Variants in SOX6 observed in about 807,000 individuals in gnomAD.
The protein encoded by SOX6 is transcription factor SOX-6.
Under a neutral mutation model 97.8 loss-of-function variants are expected in SOX6, and 11 were observed. The observed-to-expected ratio is 0.11, with a 90% CI of 0.07 to 0.19. The LOEUF is 0.19. Ranked by LOEUF, SOX6 falls within the 10% of genes least tolerant of loss-of-function variation. The pLI is 1.00. For synonymous variants in SOX6, 360 were observed against 371.4 expected, an observed-to-expected ratio of 0.97 and a Z score of 0.35; for missense variants, 810 against 1,039.5, an observed-to-expected ratio of 0.78 and a Z score of 3.04.
At chr11:16,533,956 A>C (rs1861273203) in intron 4 of SOX6, among the ~76,000 whole-genome samples, 1 of 152,128 alleles carries the variant, frequency 6.6e-6, no homozygotes, top group East Asian at 1.9e-4. Context: ...TCTTGTGTGC[A>C]CCTTACATAC....
chr11:16,233,739 G>A (rs1852927608), intron 4 of SOX6, among the ~76,000 whole-genome samples: 1 of 152,060 alleles, frequency 6.6e-6, no homozygotes, highest in African/African-American at 2.4e-5. Context: ...GCCCGGTGCG[G>A]TGACTCACAC....
intron 1 of SOX6, among the ~76,000 whole-genome samples, chr11:16,366,684 A>T (rs1262672472): frequency 6.6e-6 from 1 of 152,270 alleles, no homozygotes; most frequent in East Asian, 1.9e-4. Flanking sequence ...TACTAGGAAA[A>T]CTTACTACTC....
chr11:16,399,734 C>G lies in SOX6; in HGVS notation c.-4-58482G>C, dbSNP rs184943989. Among the ~76,000 whole-genome samples, 699 of 151,498 alleles carry G rather than the reference C, an allele frequency of 4.6e-3. 5 individuals are homozygous for G. Among genetic ancestry groups the G allele is most frequent in the African/African-American group, 0.016 (676 of 41,426 alleles). ...ATGAGGAAAGGGATAAGGAGTGATA[C>G]TGGTGACATTTCTCATCCAAAACCA... On this transcript the variant is annotated intron_variant, in intron 1 of 15. Coordinates refer to the SOX6 transcript ENST00000396356.
chr11:16,019,036 T>C (rs1854971350), intron 12 of SOX6, among the ~76,000 whole-genome samples: 1 of 152,128 alleles, frequency 6.6e-6, no homozygotes, highest in Non-Finnish European at 1.5e-5. Context: ...AATAACAGTT[T>C]GCTTGCCAGA....
At chr11:16,376,226 AC>A (rs760374011) in intron 1 of SOX6, among the ~76,000 whole-genome samples, 6 of 152,150 alleles carry the variant, frequency 3.9e-5, no homozygotes, top group Non-Finnish European at 7.3e-5. Context: ...ATTTCTGTAA[AC>A]ATGTGGCATA....
intron 12 of SOX6, among the ~76,000 whole-genome samples, chr11:16,027,872 A>G (rs1855255741): frequency 6.6e-6 from 1 of 152,212 alleles, no homozygotes; most frequent in Admixed American, 6.5e-5. Flanking sequence ...AAGGGAAAGG[A>G]GCTGTATTTT....
intron 14 of SOX6, 142 bp downstream of exon 14, chr11:15,988,855 G>T: frequency 1.3e-6 from 1 of 772,158 alleles, no homozygotes; most frequent in Non-Finnish European, 2.2e-6. Context: ...GAAGGCTCCT[G>T]CGGCAGCTGG....
intron 3 of SOX6, among the ~76,000 whole-genome samples, chr11:16,290,910 T>A (rs1195327447): frequency 6.6e-6 from 1 of 152,044 alleles, no homozygotes; most frequent in Non-Finnish European, 1.5e-5. Context: ...TTCATATGCA[T>A]GGGTGAAGTG....
intron 1 of SOX6, among the ~76,000 whole-genome samples, chr11:16,380,407 T>C (rs1213419292): frequency 2.0e-5 from 3 of 152,102 alleles, no homozygotes; most frequent in Non-Finnish European, 4.4e-5. Context: ...TTTTATAATT[T>C]CTTTTTCATA....
chr11:16,644,135 G>A (rs1011803230), intron 3 of SOX6, among the ~76,000 whole-genome samples: 1 of 152,066 alleles, frequency 6.6e-6, no homozygotes. Flanking sequence ...CAACCTCCCA[G>A]GCTCAAGCAA....
chr11:16,121,904 A>G (rs932245280), intron 6 of SOX6, among the ~76,000 whole-genome samples: 6 of 152,072 alleles, frequency 3.9e-5, no homozygotes, highest in Non-Finnish European at 5.9e-5. Flanking sequence ...CAATCCATAC[A>G]AATGCATAAT....
chr11:16,614,712 C>G (rs1218467842), intron 3 of SOX6, among the ~76,000 whole-genome samples: 1 of 152,182 alleles, frequency 6.6e-6, no homozygotes, highest in Non-Finnish European at 1.5e-5. Context: ...TTGGGGACAT[C>G]TGCAAGGCCA....
At chr11:16,478,128 C>G (rs559588704), upstream of SOX6, among the ~76,000 whole-genome samples, 1 of 152,174 alleles carries the variant, frequency 6.6e-6, no homozygotes, top group African/African-American at 2.4e-5. Context: ...AGAAGTTACC[C>G]ACAAAATAAA....
At position 15,994,450 on chromosome 11, in the gene SOX6, AG is replaced by A. The variant is rs1246709460; in HGVS notation, c.1733-5221del. ...TGGGTTTATGTAAAAAAAAAAAAAA[AG>A]GGGAGTATAAGAGATGAAATTAGAA... On this transcript the variant is annotated intron_variant, in intron 13 of 15. Transcript: ENST00000683767. Among the ~76,000 whole-genome samples, 10 of 114,908 alleles carry A rather than the reference AG, an allele frequency of 8.7e-5. No individual in the cohort carries two copies. In the South Asian group the frequency reaches 2.1e-3, roughly 24 times the overall value. The allele number at this position is 114,908 out of a possible 152,430, so 75.4% of individuals were successfully genotyped here.
intron 3 of SOX6, among the ~76,000 whole-genome samples, chr11:16,625,342 C>T (rs1008087527): frequency 1.3e-5 from 2 of 152,062 alleles, no homozygotes; most frequent in African/African-American, 2.4e-5. Context: ...GTGTGATGTA[C>T]GAGTGTGAAA....
chr11:16,253,463 G>T (rs1853580349), intron 3 of SOX6, among the ~76,000 whole-genome samples: 1 of 152,102 alleles, frequency 6.6e-6, no homozygotes, highest in African/African-American at 2.4e-5. Flanking sequence ...ATATGGCTAA[G>T]AATTTTAGTA....
At chr11:16,155,677 T>A (rs1189464685) in intron 6 of SOX6, among the ~76,000 whole-genome samples, 1 of 152,176 alleles carries the variant, frequency 6.6e-6, no homozygotes, top group Non-Finnish European at 1.5e-5. Flanking sequence ...AGTGGCAGTC[T>A]AGTGTATCTT....
chr11:16,173,914 T>C (rs1247151831), intron 6 of SOX6, among the ~76,000 whole-genome samples: 1 of 151,578 alleles, frequency 6.6e-6, no homozygotes, highest in Non-Finnish European at 1.5e-5. Context: ...GCAGTGATCA[T>C]AGCTCAATGC....
At position 16,076,735 on chromosome 11, in the gene SOX6, A is replaced by ATT. The variant is rs1156737950; in HGVS notation, c.1101+19259_1101+19260dup. Among the ~76,000 whole-genome samples the ATT allele has an allele frequency of 9.1e-3, 861 of 94,130 alleles. 104 individuals are homozygous for ATT. Among genetic ancestry groups the ATT allele is most frequent in the African/African-American group, 0.029 (572 of 19,462 alleles). 61.8% of individuals were successfully genotyped at this position (94,130 alleles called of 152,430 possible). ...GAGAGAGAAGGGGGAGGTACTACACATTTTTTTTTTTTTTTTTTTTTTTTT... is the reference window on the plus strand; with the variant it reads ...GAGAGAGAAGGGGGAGGTACTACACATTTTTTTTTTTTTTTTTTTTTTTTTTT... On this transcript the variant is annotated intron_variant, in intron 9 of 15. Transcript: ENST00000683767.
Sources: gnomAD v4.1 joint callset for allele counts (sites outside exome capture counted in the v4.1 genomes callset) on GRCh38, gnomAD v4.1.1 for gene constraint, MANE v1.5 for transcripts, NCBI Gene and HGNC (gene_info 2026-07-23, HGNC 2026-07-21) for gene names.